SLC24A1: variants seen among roughly 807,000 people sequenced by gnomAD.
SLC24A1 encodes the protein solute carrier family 24 member 1.
Under a neutral mutation model 88.1 loss-of-function variants are expected in SLC24A1, and 52 were observed. The observed-to-expected ratio is 0.59, with a 90% CI of 0.47 to 0.74. The LOEUF (loss-of-function observed/expected upper bound fraction) is 0.74, where lower values mean the gene tolerates loss of function less well. Ranked by LOEUF, SLC24A1 falls within the 30% of genes least tolerant of loss-of-function variation. SLC24A1 has a pLI of 0.00. For synonymous variants in SLC24A1, 455 were observed against 498.0 expected, an observed-to-expected ratio of 0.91 and a Z score of 1.15; for missense variants, 1,173 against 1,363.3, an observed-to-expected ratio of 0.86 and a Z score of 2.20.
intron 4 of SLC24A1, among the ~76,000 whole-genome samples, chr15:65,641,486 A>T (rs923630590): frequency 6.6e-6 from 1 of 152,210 alleles, no homozygotes; most frequent in Non-Finnish European, 1.5e-5. Flanking sequence ...AGAAAGGGAG[A>T]AAAAAATTAA....
intron 4 of SLC24A1, among the ~76,000 whole-genome samples, chr15:65,640,933 C>T (rs1443540622): frequency 6.6e-6 from 1 of 152,002 alleles, no homozygotes; most frequent in Admixed American, 6.6e-5. Flanking sequence ...TGGTGGCAGG[C>T]GCCTGTAATC....
chr15:65,626,239 G>T (rs2074512153), intron 2 of SLC24A1, among the ~76,000 whole-genome samples: 2 of 152,194 alleles, frequency 1.3e-5, no homozygotes, highest in African/African-American at 4.8e-5. Flanking sequence ...GAAGCCCAAA[G>T]AAGTTAAACC....
At chr15:65,638,878 G>T (rs568468871) in intron 3 of SLC24A1, among the ~76,000 whole-genome samples, 4 of 152,216 alleles carry the variant, frequency 2.6e-5, no homozygotes, top group Non-Finnish European at 4.4e-5. Flanking sequence ...CGTTGTCTTT[G>T]GATGTTCCAT....
downstream of SLC24A1, chr15:65,660,579 A>G: frequency 2.7e-6 from 1 of 366,118 alleles, no homozygotes; most frequent in Non-Finnish European, 4.9e-6. Flanking sequence ...AATTACCCAA[A>G]GAAAGTTACA....
At chr15:65,629,930 C>T (rs1401823499) in intron 2 of SLC24A1, among the ~76,000 whole-genome samples, 1 of 152,162 alleles carries the variant, frequency 6.6e-6, no homozygotes, top group Non-Finnish European at 1.5e-5. Flanking sequence ...CTATTCTCTC[C>T]TAAATGCACT....
At chr15:65,636,298 C>CA (rs1279661146) in intron 2 of SLC24A1, among the ~76,000 whole-genome samples, 2 of 151,980 alleles carry the variant, frequency 1.3e-5, no homozygotes, top group African/African-American at 4.8e-5. Context: ...CTACAAAAAA[C>CA]AAAAAAACGT....
At chr15:65,660,264 T>A, downstream of SLC24A1, 2 of 1,532,778 alleles carry the variant, frequency 1.3e-6, no homozygotes, top group Non-Finnish European at 1.7e-6. Context: ...TTAAACTCTC[T>A]CCATTATTTC....
rs1340195378 is a variant in SLC24A1, at chr15:65,625,131, A to G, written c.1051A>G (p.Arg351Gly). ...CTGGAGTCTTAGGAATCCTTCACCC[A>G]GGACCAGTGTATCAGCCATCAAAAC... The part of the protein sequence containing the change: ...AAWSLRNPSP[R>G]TSVSAIKTAP... Residue 351 changes from arginine to glycine, a missense_variant, in exon 2 of 10, where the codon AGG (arginine) becomes GGG (glycine). By Grantham distance (125) the Arg-to-Gly change is moderately radical (BLOSUM62 -2). Transcript: ENST00000261892. 3.1e-6 allele frequency: 5 copies of G among 1,613,614 alleles called. No individual in the cohort carries two copies. The African/African-American group carries it at 6.7e-5, about 22-fold the overall frequency.
Position 65,624,651 on chromosome 15 carries a change from T to C in SLC24A1, c.571T>C (p.Ser191Pro). ...QVREKVKYTPSPRGRRVGTYV... is the reference protein window; with the variant it reads ...QVREKVKYTPPPRGRRVGTYV... ...GAGGGAAAAGGTGAAGTATACTCCT[T>C]CCCCACGTGGTAGAAGAGTAGGCAC... The change falls in exon 2 of 10, where the codon TCC (serine) becomes CCC (proline). Residue 191 changes from serine to proline, a missense_variant. Ser to Pro is a moderately conservative substitution (Grantham distance 74). Transcript: ENST00000261892. The C allele has an allele frequency of 6.3e-7, 1 of 1,595,182 alleles. No homozygotes were observed. The highest frequency in any genetic ancestry group is 8.5e-7 in the Non-Finnish European group (1 of 1,170,822).
downstream of SLC24A1, chr15:65,660,143 T>C (rs1194037836): frequency 1.1e-5 from 7 of 613,754 alleles, no homozygotes; most frequent in Non-Finnish European, 2.0e-5. Flanking sequence ...ATCTGAATAG[T>C]AAAGAATAAT....
At chr15:65,643,147 T>C (rs2075187199) in intron 4 of SLC24A1, 1 of 696,246 alleles carries the variant, frequency 1.4e-6, no homozygotes, top group Non-Finnish European at 2.2e-6. Flanking sequence ...ATTTACTTTG[T>C]CACCAACTCT....
At chr15:65,619,574 CT>C (rs1197256703), upstream of SLC24A1, among the ~76,000 whole-genome samples, 1 of 152,054 alleles carries the variant, frequency 6.6e-6, no homozygotes, top group Non-Finnish European at 1.5e-5. Context: ...ATTTGCGACG[CT>C]TTCAAATCTT....
chr15:65,624,874 A>C lies in SLC24A1; in HGVS notation c.794A>C (p.Glu265Ala), dbSNP rs1318099758. The C allele has an allele frequency of 2.5e-6, 4 of 1,614,032 alleles. No individual in the cohort carries two copies. The East Asian group carries it at 6.7e-5, about 27-fold the overall frequency. The change falls in exon 2 of 10, where the codon GAA becomes GCA. Residue 265 changes from glutamate to alanine, a missense_variant. Transcript: ENST00000261892. ...STPTFLTHEV[E>A]ANVLTSPRSV... The stretch of plus-strand genomic sequence containing the variant: ...CCAACTTTTCTGACACATGAGGTAG[A>C]AGCAAACGTCTTGACTTCTCCAAGG...
chr15:65,650,930 C>T lies in SLC24A1; in HGVS notation c.2781C>T (p.Asp927=), dbSNP rs765307800. ...IVFPLWLTVP[D]VRRQESRKFF... ...TCCCACTGTGGCTGACAGTCCCCGA[C>T]GTCCGAAGGCAGGTGAGTGTGCCCA... is the stretch of plus-strand genomic sequence containing the variant. Residue 927 remains aspartate, a synonymous_variant, in exon 7 of 10, where the codon GAC becomes GAT. Transcript: ENST00000261892. The surrounding 1 kb of genome is among the most constrained non-coding windows in gnomAD (Gnocchi z 4.1). The T allele has an allele frequency of 2.5e-6, 4 of 1,613,874 alleles. No homozygotes were observed. Among genetic ancestry groups the T allele is most frequent in the African/African-American group, 1.3e-5 (1 of 75,042 alleles).
Position 65,650,742 on chromosome 15 carries a change from GAGGAGGAAGAGC to G in SLC24A1, c.2605_2616del (p.Gln869_Glu872del), listed in dbSNP as rs747812372. The G allele has an allele frequency of 1.3e-4, 201 of 1,595,172 alleles. 1 individual carries two copies. In the South Asian group the frequency reaches 1.6e-3, roughly 13 times the overall value. ...AGGGGATAGCGAAGAGGAGGAAGAG[GAGGAGGAAGAGC>G]AGGAGGAAGAGGAGGAGGAGGAAGA... On this transcript the variant is annotated inframe_deletion, in exon 7 of 10. Transcript: ENST00000261892. This position sits in a 1 kb window ranked among gnomAD's most constrained non-coding sequence, Gnocchi z 4.1.
Position 65,654,866 on chromosome 15 carries a change from G to C in SLC24A1, c.*787G>C, listed in dbSNP as rs948782251. 6.1e-6 allele frequency: 7 copies of C among 1,151,638 alleles called. No homozygotes were observed. Among genetic ancestry groups the C allele is most frequent in the African/African-American group, 1.7e-5 (1 of 60,298 alleles). 71.3% of individuals were successfully genotyped at this position (1,151,638 alleles called of 1,614,324 possible). On this transcript the variant is annotated 3_prime_UTR_variant, in exon 10 of 10. Transcript: ENST00000261892. ...GCCCGCCTCGGCCTCCCAAAGTGCT[G>C]GGATTACAGGCGTCAGCCACCGCGC... is the stretch of plus-strand genomic sequence containing the variant.
intron 2 of SLC24A1, chr15:65,612,755 CGTG>C (rs1170522629): frequency 3.3e-5 from 5 of 152,206 alleles, no homozygotes; most frequent in Non-Finnish European, 5.9e-5. Context: ...TTACTGTCCT[CGTG>C]GTAATTCTGG....
intron 2 of SLC24A1, among the ~76,000 whole-genome samples, chr15:65,615,861 A>G: frequency 1.4e-5 from 2 of 147,456 alleles, no homozygotes; most frequent in African/African-American, 5.2e-5. Flanking sequence ...TATTTCTCCT[A>G]ATGCTATCCC....
downstream of SLC24A1, among the ~76,000 whole-genome samples, chr15:65,656,793 G>A (rs73470088): frequency 0.012 from 1,870 of 152,228 alleles, 40 homozygotes; most frequent in African/African-American, 0.043. Context: ...TCATTTAATG[G>A]GTTAAGAGTC....
Sources: allele counts gnomAD v4.1 joint callset (sites outside exome capture counted in the v4.1 genomes callset), GRCh38; gene constraint gnomAD v4.1.1; non-coding constraint Gnocchi (gnomAD v3.1); transcripts MANE v1.5; gene names NCBI Gene and HGNC (gene_info 2026-07-23, HGNC 2026-07-21).